WDFY3: variants seen among roughly 807,000 people sequenced by gnomAD.
The protein encoded by WDFY3 is WD repeat and FYVE domain-containing protein 3.
A neutral mutation model predicts 409.6 loss-of-function variants in WDFY3; 66 were observed. The observed-to-expected ratio is 0.16, with a 90% confidence interval of 0.13 to 0.20. The LOEUF (loss-of-function observed/expected upper bound fraction) is 0.20. Among genes scored for constraint, WDFY3 ranks in the 10% least tolerant of loss-of-function variants. The pLI is 1.00. For missense variants in WDFY3, 3,031 were observed against 4,298.1 expected, an observed-to-expected ratio of 0.71 and a Z score of 8.24; for synonymous variants, 1,521 against 1,537.1, an observed-to-expected ratio of 0.99 and a Z score of 0.25.
intron 1 of WDFY3, among the ~76,000 whole-genome samples, chr4:84,941,707 C>G (rs976424902): frequency 6.7e-6 from 1 of 149,668 alleles, no homozygotes; most frequent in Admixed American, 6.6e-5. Flanking sequence ...AAAAAGAAAT[C>G]AAGAATAGTC....
At chr4:84,831,916 A>G (rs548406807) in intron 7 of WDFY3, among the ~76,000 whole-genome samples, 1 of 152,296 alleles carries the variant, frequency 6.6e-6, no homozygotes, top group East Asian at 1.9e-4. Context: ...AGCCATTATG[A>G]AAAACAGTAT....
chr4:84,839,770 A>C (rs1056366719), intron 6 of WDFY3, among the ~76,000 whole-genome samples: 7 of 151,964 alleles, frequency 4.6e-5, no homozygotes, highest in African/African-American at 1.7e-4. Flanking sequence ...AGGCAAGAGA[A>C]TCGCTTGAAT....
chr4:84,783,832 T>C (rs1339464471), intron 24 of WDFY3, among the ~76,000 whole-genome samples: 4 of 151,700 alleles, frequency 2.6e-5, no homozygotes, highest in African/African-American at 9.7e-5. Context: ...GTGAAGTTTA[T>C]GTTCCTTAGA....
At chr4:84,680,917 A>T (rs1223182472) in intron 64 of WDFY3, among the ~76,000 whole-genome samples, 1 of 152,206 alleles carries the variant, frequency 6.6e-6, no homozygotes, top group Non-Finnish European at 1.5e-5. Context: ...CCAACTCCTG[A>T]GGATACTGAG....
In WDFY3 at chr4:84,808,400, G is replaced by A. The variant is rs1751891273; in HGVS notation, c.2363C>T (p.Pro788Leu). Residue 788 changes from proline to leucine, a missense_variant, in exon 15 of 68, where the codon CCT becomes CTT. Transcript: ENST00000295888. ...DSFDSRAEQI[P>L]PCLTSESSLP... ...AGAAGACTCACTTGTCAGGCAAGGA[G>A]GGATCTGTTCTGCACGACTACAGAC... The A allele has an allele frequency of 6.2e-7, 1 of 1,613,806 alleles. No homozygotes were observed. The highest frequency in any genetic ancestry group is 8.5e-7 in the Non-Finnish European group (1 of 1,179,842).
intron 5 of WDFY3, among the ~76,000 whole-genome samples, chr4:84,845,682 C>T (rs1757994901): frequency 6.6e-6 from 1 of 151,858 alleles, no homozygotes; most frequent in African/African-American, 2.4e-5. Context: ...GAACTTTTTA[C>T]TAGAAAAATC....
chr4:84,756,774 T>C, intron 33 of WDFY3, 152 bp downstream of exon 33: 1 of 936,892 alleles, frequency 1.1e-6, no homozygotes, highest in Non-Finnish European at 1.6e-6. Context: ...GAAAATTTTC[T>C]GTGGTATTTT....
At chr4:84,920,157 C>T (rs1769084741) in intron 2 of WDFY3, among the ~76,000 whole-genome samples, 1 of 152,068 alleles carries the variant, frequency 6.6e-6, no homozygotes, top group African/African-American at 2.4e-5. Flanking sequence ...AAGAATTATT[C>T]TAGATTAAGG....
At position 84,713,142 on chromosome 4, in the gene WDFY3, A is replaced by T; in HGVS notation, c.8042+17T>A. Reference sequence around the variant, plus strand: ...CTTCACTATTAAACTGTAACATGCAAGGAACAAACCACCTACCCCTGCTCC... The same window carrying T: ...CTTCACTATTAAACTGTAACATGCATGGAACAAACCACCTACCCCTGCTCC... On this transcript the variant is annotated intron_variant, in intron 51 of 67. Transcript: ENST00000295888. 1 of 1,612,688 alleles carries T rather than the reference A, an allele frequency of 6.2e-7. No homozygotes were observed. The highest frequency in any genetic ancestry group is 8.5e-7 in the Non-Finnish European group (1 of 1,178,722).
At chr4:84,792,898 G>GTTC (rs1307180449) in intron 21 of WDFY3, among the ~76,000 whole-genome samples, 2 of 151,958 alleles carry the variant, frequency 1.3e-5, no homozygotes, top group African/African-American at 4.8e-5. Flanking sequence ...TACATTCTAG[G>GTTC]TACTGTGTTA....
rs2149389827 is a variant in WDFY3, at chr4:84,765,802, T to C, written c.5188+8A>G. ...ATTTTCAAGCAGCTGACTAGAAAAG[T>C]CCCATACCTAATACAGTTCCAATCT... On this transcript the variant is annotated splice_region_variant and intron_variant, in intron 32 of 67. Transcript: ENST00000295888. The C allele has an allele frequency of 6.2e-7, 1 of 1,612,594 alleles. No homozygotes were observed. Among genetic ancestry groups the C allele is most frequent in the Non-Finnish European group, 8.5e-7 (1 of 1,179,234 alleles).
chr4:84,895,885 A>G (rs1765562235), intron 3 of WDFY3, among the ~76,000 whole-genome samples: 1 of 152,222 alleles, frequency 6.6e-6, no homozygotes, highest in Non-Finnish European at 1.5e-5. Flanking sequence ...TAGTGCCATT[A>G]ATTAAGCTGG....
intron 58 of WDFY3, among the ~76,000 whole-genome samples, chr4:84,694,717 G>C (rs899802493): frequency 6.6e-6 from 1 of 152,122 alleles, no homozygotes. Context: ...GACTGCTTGA[G>C]TCTAGGAGTT....
chr4:84,809,702 T>TAA (rs540179297), intron 14 of WDFY3, 185 bp downstream of exon 14: 2,392 of 406,232 alleles, frequency 5.9e-3, no homozygotes, highest in South Asian at 6.7e-3. Context: ...GCTTCCATGC[T>TAA]AAAAAAAAAA....
At chr4:84,904,223 T>C (rs1332202476) in intron 2 of WDFY3, among the ~76,000 whole-genome samples, 4 of 152,164 alleles carry the variant, frequency 2.6e-5, no homozygotes, top group Non-Finnish European at 4.4e-5. Flanking sequence ...ATTTCTGTCA[T>C]GCATTCATTC....
chr4:84,688,461 G>C (rs550571182), intron 61 of WDFY3, among the ~76,000 whole-genome samples, 196 bp from the exon 62 acceptor site: 24 of 152,196 alleles, frequency 1.6e-4, no homozygotes, highest in African/African-American at 5.8e-4. Flanking sequence ...CTCAGCCCAC[G>C]GGGGTAGAGA....
intron 4 of WDFY3, among the ~76,000 whole-genome samples, chr4:84,856,036 C>T (rs1401507814): frequency 2.0e-5 from 3 of 152,126 alleles, no homozygotes; most frequent in Admixed American, 6.5e-5. Context: ...TCCTTTGTTG[C>T]ACAGACCCAA....
intron 32 of WDFY3, 81 bp downstream of exon 32, chr4:84,765,729 G>C: frequency 8.4e-7 from 1 of 1,187,458 alleles, no homozygotes. Flanking sequence ...TCAAACCGCA[G>C]AGGATAAGTT....
chr4:84,892,244 A>T lies in WDFY3; in HGVS notation c.-32+4667T>A, dbSNP rs372445546. Among the ~76,000 whole-genome samples the T allele has an allele frequency of 1.4e-4, 22 of 152,010 alleles. No individual in the cohort carries two copies. In the South Asian group the frequency reaches 2.5e-3, roughly 17 times the overall value. On this transcript the variant is annotated intron_variant, in intron 3 of 67. Coordinates refer to ENST00000295888, the MANE Select transcript of WDFY3 (RefSeq NM_014991.6). Reference sequence around the variant, plus strand: ...AACATCCTCCATTACATATATATATATTTTTAAGTTATTCTTTAACTGTCA... The same window carrying T: ...AACATCCTCCATTACATATATATATTTTTTTAAGTTATTCTTTAACTGTCA...
Sources: gnomAD v4.1 joint callset for allele counts (sites outside exome capture counted in the v4.1 genomes callset) on GRCh38, gnomAD v4.1.1 for gene constraint, MANE v1.5 for transcripts, NCBI Gene and HGNC (gene_info 2026-07-23, HGNC 2026-07-21) for gene names.